MYO16: variants seen among roughly 807,000 people sequenced by gnomAD.
MYO16 encodes the protein unconventional myosin-XVI.
In MYO16, 94 loss-of-function variants were observed where a neutral mutation model predicts 205.3. The ratio of observed to expected loss-of-function variants is 0.46; its 90% CI spans 0.39 to 0.54. MYO16 has a LOEUF of 0.54. Ranked by LOEUF, MYO16 falls within the 20% of genes least tolerant of loss-of-function variation. The pLI is 0.00. For missense variants in MYO16, 2,315 were observed against 2,387.5 expected, an observed-to-expected ratio of 0.97 and a Z score of 0.63; for synonymous variants, 988 against 954.0, an observed-to-expected ratio of 1.04 and a Z score of -0.66.
intron 1 of MYO16, among the ~76,000 whole-genome samples, chr13:108,616,136 TTTC>T (rs1219423587): frequency 2.0e-5 from 3 of 152,214 alleles, no homozygotes; most frequent in African/African-American, 7.2e-5. Context: ...CACATGCATT[TTTC>T]TTCATTATCT....
chr13:108,806,208 T>C (rs2138980707), intron 6 of MYO16, among the ~76,000 whole-genome samples: 1 of 152,308 alleles, frequency 6.6e-6, no homozygotes, highest in Admixed American at 6.5e-5. Context: ...TCCTTTTCAG[T>C]GTTTCTGTGC....
intron 21 of MYO16, among the ~76,000 whole-genome samples, chr13:109,005,602 C>T (rs1055885870): frequency 6.6e-6 from 1 of 152,094 alleles, no homozygotes; most frequent in South Asian, 2.1e-4. Context: ...AGAACCTCTG[C>T]ACTTTGAGCT....
intron 1 of MYO16, among the ~76,000 whole-genome samples, chr13:108,654,681 T>C (rs1359043166): frequency 6.6e-6 from 1 of 152,234 alleles, no homozygotes; most frequent in Non-Finnish European, 1.5e-5. Context: ...TAGGAAAGTT[T>C]GGAACTTCCT....
At chr13:109,040,050 C>T (rs1886831294) in intron 23 of MYO16, among the ~76,000 whole-genome samples, 1 of 152,088 alleles carries the variant, frequency 6.6e-6, no homozygotes, top group Admixed American at 6.6e-5. Flanking sequence ...TTACAAACAG[C>T]TCTCACACAT....
At chr13:108,758,084 C>T (rs894496301) in intron 4 of MYO16, among the ~76,000 whole-genome samples, 6 of 152,098 alleles carry the variant, frequency 3.9e-5, no homozygotes, top group Non-Finnish European at 7.4e-5. Context: ...TTCTGCCATG[C>T]GAAGATGCAG....
chr13:109,014,816 A>T (rs1195205436), intron 22 of MYO16, among the ~76,000 whole-genome samples: 1 of 152,220 alleles, frequency 6.6e-6, no homozygotes, highest in Non-Finnish European at 1.5e-5. Context: ...TTGATTTTGT[A>T]TCCTGAGGCT....
the MYO16 span, among the ~76,000 whole-genome samples, chr13:108,579,283 C>G: frequency 6.6e-6 from 1 of 152,032 alleles, no homozygotes; most frequent in African/African-American, 2.4e-5. Context: ...CTTGCAATAA[C>G]CTCAGTAACT....
At chr13:108,710,485 A>G (rs1883677557) in intron 2 of MYO16, among the ~76,000 whole-genome samples, 1 of 152,226 alleles carries the variant, frequency 6.6e-6, no homozygotes, top group Non-Finnish European at 1.5e-5. Context: ...TGTGGATTCT[A>G]TGATATATTA....
intron 4 of MYO16, among the ~76,000 whole-genome samples, chr13:108,768,274 T>C (rs1351703186): frequency 6.6e-6 from 1 of 152,194 alleles, no homozygotes; most frequent in Admixed American, 6.5e-5. Flanking sequence ...TTCCATTTTC[T>C]AATAGTTTCA....
At chr13:108,857,036 T>C (rs1878216717) in intron 11 of MYO16, among the ~76,000 whole-genome samples, 1 of 152,220 alleles carries the variant, frequency 6.6e-6, no homozygotes, top group Non-Finnish European at 1.5e-5. Flanking sequence ...TCCTCACTTA[T>C]ATCTAAATTA....
In MYO16 at chr13:109,109,601, C is replaced by A. The variant is rs552959153; in HGVS notation, c.3438+8714C>A. Among the ~76,000 whole-genome samples, 26 of 152,260 alleles carry A rather than the reference C, an allele frequency of 1.7e-4. No homozygotes were observed. In the South Asian group the frequency reaches 4.8e-3, roughly 28 times the overall value. The stretch of plus-strand genomic sequence containing the variant: ...AGAACACGAAGGGAGGGGAGAGGAC[C>A]TCACCGTGGCAACAATGAAGGTGCT... On this transcript the variant is annotated intron_variant, in intron 28 of 34. Transcript: ENST00000457511.
intron 29 of MYO16, among the ~76,000 whole-genome samples, chr13:109,123,809 A>G (rs1876110675): frequency 6.6e-6 from 1 of 152,226 alleles, no homozygotes; most frequent in South Asian, 2.1e-4. Context: ...ATCAAAGTTA[A>G]TATCATAGGT....
intron 21 of MYO16, among the ~76,000 whole-genome samples, chr13:108,996,935 A>G (rs1271508388): frequency 6.6e-6 from 1 of 152,182 alleles, no homozygotes; most frequent in Non-Finnish European, 1.5e-5. Context: ...CTAAACACAT[A>G]CATGCAAAGG....
rs564243131 is a variant in MYO16, at chr13:109,052,427, A to C, written c.3000A>C (p.Thr1000=). Residue 1000 remains threonine, a synonymous_variant, in exon 25 of 35, where the codon ACA becomes ACC. Coordinates refer to ENST00000457511, the MANE Select transcript of MYO16 (RefSeq NM_001198950.3). ...CTGCCCTGCTCAGTAAGAAAATGAC[A>C]GCTTCTTCAATTATTGGAGAAAACA... ...HKSALLSKKM[T]ASSIIGENKN... is the part of the protein sequence containing the mutation. The C allele has an allele frequency of 6.2e-7, 1 of 1,612,180 alleles. No individual in the cohort carries two copies. Among genetic ancestry groups the C allele is most frequent in the African/African-American group, 1.3e-5 (1 of 74,930 alleles).
the MYO16 span, among the ~76,000 whole-genome samples, chr13:108,556,964 GTTCT>G: frequency 6.6e-6 from 1 of 152,048 alleles, no homozygotes; most frequent in African/African-American, 2.4e-5. Context: ...TTATTTCTGG[GTTCT>G]TTATTTTGTT....
intron 16 of MYO16, among the ~76,000 whole-genome samples, chr13:108,920,349 CTTT>C (rs1881686893): frequency 6.7e-6 from 1 of 148,642 alleles, no homozygotes; most frequent in African/African-American, 2.5e-5. Context: ...CTTTTTCTTT[CTTT>C]TTTCTTTCTT....
chr13:109,136,383 G>C (rs537021026), intron 31 of MYO16, among the ~76,000 whole-genome samples: 1 of 152,310 alleles, frequency 6.6e-6, no homozygotes, highest in South Asian at 2.1e-4. Flanking sequence ...ATGAGTCACT[G>C]TGCCTGCCTG....
chr13:108,885,783 C>T (rs577785247), intron 13 of MYO16, among the ~76,000 whole-genome samples: 1 of 152,256 alleles, frequency 6.6e-6, no homozygotes, highest in African/African-American at 2.4e-5. Context: ...AGCGTGGGTC[C>T]TGAGCAAGGC....
intron 1 of MYO16, among the ~76,000 whole-genome samples, chr13:108,609,124 G>A (rs774153919): frequency 3.9e-5 from 6 of 152,130 alleles, no homozygotes; most frequent in South Asian, 2.1e-4. Flanking sequence ...GACAACTCAA[G>A]CCTGTCTGCA....
Sources: allele counts gnomAD v4.1 joint callset (sites outside exome capture counted in the v4.1 genomes callset), GRCh38; gene constraint gnomAD v4.1.1; transcripts MANE v1.5; gene names NCBI Gene and HGNC (gene_info 2026-07-23, HGNC 2026-07-21).